Variants in SUPT6H observed in about 807,000 individuals in gnomAD.
The protein encoded by SUPT6H is SPT6 homolog, histone chaperone and transcription elongation factor, also known as transcription elongation factor SPT6.
A neutral mutation model predicts 222.3 loss-of-function variants in SUPT6H; 11 were observed. The observed-to-expected ratio is 0.05, with a 90% CI of 0.03 to 0.08. SUPT6H has a LOEUF of 0.08. Among genes scored for constraint, SUPT6H ranks in the 10% least tolerant of loss-of-function variants. SUPT6H has a pLI of 1.00. For missense variants in SUPT6H, 1,422 were observed against 2,216.0 expected, an observed-to-expected ratio of 0.64 and a Z score of 7.19; for synonymous variants, 762 against 801.2, an observed-to-expected ratio of 0.95 and a Z score of 0.83.
Position 28,683,723 on chromosome 17 carries a change from C to T in SUPT6H, c.2136C>T (p.Ala712=), listed in dbSNP as rs1197362277. The T allele has an allele frequency of 3.1e-6, 5 of 1,614,032 alleles. No homozygotes were observed. The East Asian group carries it at 1.1e-4, about 36-fold the overall frequency. ...AGTGGAACCGGCAGCGCACCATGGC[C>T]ATCGAACGGGCTTTACAGCAGTTCC... ...VQEWNRQRTM[A]IERALQQFLY... The change falls in exon 17 of 37, where the codon GCC becomes GCT. Residue 712 remains alanine (A), a synonymous_variant. Transcript: ENST00000314616.
intron 2 of SUPT6H, among the ~76,000 whole-genome samples, chr17:28,673,810 C>T (rs938864250): frequency 6.6e-6 from 1 of 152,126 alleles, no homozygotes; most frequent in African/African-American, 2.4e-5. Context: ...TGCTTTTAGA[C>T]CTAGCATTGT....
At position 28,683,103 on chromosome 17, in the gene SUPT6H, T is replaced by TGAA. The variant is rs1323991674; in HGVS notation, c.1878+13_1878+15dup. 1 of 1,585,474 alleles carries TGAA rather than the reference T, an allele frequency of 6.3e-7. No homozygotes were observed. The highest frequency in any genetic ancestry group is 8.6e-7 in the Non-Finnish European group (1 of 1,168,340). ...AAGAAAGGTAGAAAGGTGAGCTGGG[T>TGAA]GAAGGGCTTTGATCCAAGATGTGCA... is the stretch of plus-strand genomic sequence containing the variant. On this transcript the variant is annotated intron_variant, in intron 15 of 36. Transcript: ENST00000314616.
In SUPT6H at chr17:28,674,507, A is replaced by T. The variant is rs748265265; in HGVS notation, c.269-30A>T. On this transcript the variant is annotated intron_variant, in intron 3 of 36. Transcript: ENST00000314616. ...GGTTGCAGTGGAAAAGGGCAACCCCATCACCATGGGCAACACTTTGTTTCT... is the reference window on the plus strand; with the variant it reads ...GGTTGCAGTGGAAAAGGGCAACCCCTTCACCATGGGCAACACTTTGTTTCT... The T allele has an allele frequency of 1.9e-6, 3 of 1,614,228 alleles. No homozygotes were observed. In the Admixed American group the frequency reaches 5.0e-5, roughly 27 times the overall value.
Position 28,687,475 on chromosome 17 carries a change from G to A in SUPT6H, c.3006+4G>A, listed in dbSNP as rs2031444870. On this transcript the variant is annotated splice_donor_region_variant and intron_variant, in intron 23 of 36. Transcript: ENST00000314616. ...GAAAGGGACCCACCTCCTGAAGGTA[G>A]GATTGGAGTGAATTCAGAAATTTTA... 4 of 1,611,720 alleles carry A rather than the reference G, an allele frequency of 2.5e-6. No homozygotes were observed. The highest frequency in any genetic ancestry group is 3.4e-6 in the Non-Finnish European group (4 of 1,178,942).
intron 8 of SUPT6H, 57 bp from the exon 9 acceptor site, chr17:28,678,015 TTGTA>T: frequency 6.5e-7 from 1 of 1,537,604 alleles, no homozygotes; most frequent in Non-Finnish European, 9.0e-7. Flanking sequence ...TTAAGCAGTC[TTGTA>T]TGGTAAGACA....
Position 28,684,592 on chromosome 17 carries a change from A to G in SUPT6H, c.2236A>G (p.Ser746Gly). The G allele has an allele frequency of 1.2e-6, 2 of 1,614,084 alleles. No individual in the cohort carries two copies. The highest frequency in any genetic ancestry group is 1.7e-6 in the Non-Finnish European group (2 of 1,180,006). Reference protein sequence around the residue: ...EAKEYVIKACSRKLYNWLRVA... With the variant: ...EAKEYVIKACGRKLYNWLRVA... The stretch of plus-strand genomic sequence containing the variant: ...GTTGTGTCTCTTCCCTCAGGCCTGT[A>G]GTCGAAAGCTCTACAATTGGTTGAG... The change falls in exon 18 of 37, where the codon AGT becomes GGT. Residue 746 changes from serine to glycine, a missense_variant. By Grantham distance (56) the Ser-to-Gly change is moderately conservative (BLOSUM62 0). Around this residue, in one of 13 missense-constraint regions of SUPT6H, gnomAD observed 294 missense variants for 382.1 expected, o/e 0.77. Coordinates refer to ENST00000314616, the MANE Select transcript of SUPT6H (RefSeq NM_003170.5).
chr17:28,697,243 A>G (rs1392226296), intron 30 of SUPT6H, among the ~76,000 whole-genome samples, 161 bp downstream of exon 30: 1 of 152,196 alleles, frequency 6.6e-6, no homozygotes, highest in Non-Finnish European at 1.5e-5. Context: ...TTTGATATCA[A>G]TTTTATTTTG....
Position 28,696,933 on chromosome 17 carries a change from G to A in SUPT6H, c.4060G>A (p.Asp1354Asn). Reference sequence around the variant, plus strand: ...GATGATGGAGACCATGGACCAGGGTGATGTGATTATCCGACCAAGCAGCAA... The same window carrying A: ...GATGATGGAGACCATGGACCAGGGTAATGTGATTATCCGACCAAGCAGCAA... The part of the protein sequence containing the change: ...EKMMETMDQG[D>N]VIIRPSSKGE... Residue 1354 changes from aspartate to asparagine, a missense_variant, in exon 30 of 37, where the codon GAT becomes AAT. Physicochemically the swap from Asp to Asn is conservative, Grantham distance 23 (BLOSUM62 1). Coordinates refer to ENST00000314616, the MANE Select transcript of SUPT6H (RefSeq NM_003170.5). The A allele has an allele frequency of 6.2e-7, 1 of 1,614,064 alleles. No individual in the cohort carries two copies. The highest frequency in any genetic ancestry group is 8.5e-7 in the Non-Finnish European group (1 of 1,180,024).
intron 1 of SUPT6H, among the ~76,000 whole-genome samples, chr17:28,669,377 G>A (rs2030276857): frequency 6.6e-6 from 1 of 152,162 alleles, no homozygotes; most frequent in East Asian, 1.9e-4. Flanking sequence ...TTTTAGTGGA[G>A]GCAGAGTTTC....
rs573261664 is a variant in SUPT6H at position 28,696,562 on chromosome 17, T to A, written c.3971-282T>A. Among the ~76,000 whole-genome samples the A allele has an allele frequency of 2.1e-4, 25 of 120,770 alleles. 1 individual carries two copies. The East Asian group carries it at 5.8e-3, about 28-fold the overall frequency. 79.2% of individuals were successfully genotyped at this position (120,770 alleles called of 152,430 possible). A position where few individuals can be genotyped will look rare whatever the true frequency, so the allele number is the denominator to read the frequency against. ...AGAATTGCGCCACTGCACTACAACG[T>A]GGGTGACAAAATGAGACTGTCTCAA... On this transcript the variant is annotated intron_variant, in intron 29 of 36. Coordinates refer to ENST00000314616, the MANE Select transcript of SUPT6H (RefSeq NM_003170.5).
At chr17:28,689,196 GCACA>G in intron 24 of SUPT6H, 154 bp from the exon 25 acceptor site, 1 of 645,852 alleles carries the variant, frequency 1.5e-6, no homozygotes, top group Non-Finnish European at 2.6e-6. Context: ...TTCCATGTCA[GCACA>G]CATAGATCTA....
intron 1 of SUPT6H, among the ~76,000 whole-genome samples, chr17:28,665,309 C>T (rs1423685230): frequency 5.9e-5 from 9 of 152,338 alleles, no homozygotes. Flanking sequence ...TAAGTAAACT[C>T]ACTTTAGATG....
At position 28,700,105 on chromosome 17, in the gene SUPT6H, C is replaced by T. The variant is rs1567707070; in HGVS notation, c.4562-68C>T. The T allele has an allele frequency of 2.5e-6, 4 of 1,604,186 alleles. No homozygotes were observed. In the South Asian group the frequency reaches 3.3e-5, roughly 13 times the overall value. ...CCTCTACCTACTTCAGTGCCCCTTC[C>T]ACCCCCTGAATTGGGAAACCAAAAA... On this transcript the variant is annotated intron_variant, in intron 33 of 36. Transcript: ENST00000314616.
intron 1 of SUPT6H, among the ~76,000 whole-genome samples, chr17:28,665,517 G>A (rs1395600688): frequency 1.3e-5 from 2 of 152,160 alleles, no homozygotes; most frequent in Non-Finnish European, 2.9e-5. Flanking sequence ...CAACACTTTG[G>A]GAGGCTGAGG....
At chr17:28,673,277 G>A (rs896163700) in intron 1 of SUPT6H, 94 bp from the exon 2 acceptor site, 1 of 668,668 alleles carries the variant, frequency 1.5e-6, no homozygotes, top group Non-Finnish European at 2.7e-6. Flanking sequence ...CAGAGCAGTG[G>A]CAGGTTGCTA....
Position 28,691,079 on chromosome 17 carries a change from T to G in SUPT6H, c.3633+16T>G, listed in dbSNP as rs1166631011. ...ACTAAGCGAGGTGTGTGCTGCAGCATTATCCTGCTCAGTGGATTTCCTTGG... is the reference window on the plus strand; with the variant it reads ...ACTAAGCGAGGTGTGTGCTGCAGCAGTATCCTGCTCAGTGGATTTCCTTGG... On this transcript the variant is annotated intron_variant, in intron 27 of 36. Coordinates refer to ENST00000314616, the MANE Select transcript of SUPT6H (RefSeq NM_003170.5). The G allele has an allele frequency of 1.6e-5, 26 of 1,610,710 alleles. No homozygotes were observed. Among genetic ancestry groups the G allele is most frequent in the Non-Finnish European group, 2.1e-5 (25 of 1,178,566 alleles).
chr17:28,674,414 G>A lies in SUPT6H; in HGVS notation c.241G>A (p.Asp81Asn). The change falls in exon 3 of 37, where the codon GAT becomes AAT. Residue 81 changes from aspartate (D) to asparagine (N), a missense_variant. By Grantham distance (23) the Asp-to-Asn change is conservative (BLOSUM62 1). Coordinates refer to ENST00000314616, the MANE Select transcript of SUPT6H (RefSeq NM_003170.5). ...CAGTGACTCTGGTGATTCAGAAGAT[G>A]ATGTTGGCCACAAGAAGAGAAAACG... ...EGSDSGDSED[D>N]VGHKKRKRTS... The A allele has an allele frequency of 9.3e-6, 15 of 1,613,806 alleles. No homozygotes were observed. The highest frequency in any genetic ancestry group is 1.2e-5 in the Non-Finnish European group (14 of 1,179,792).
intron 13 of SUPT6H, 47 bp from the exon 14 acceptor site, chr17:28,682,680 T>C: frequency 6.3e-7 from 1 of 1,596,388 alleles, no homozygotes; most frequent in Non-Finnish European, 8.5e-7. Context: ...CCAAGAGGTT[T>C]ATCAGCCTAT....
At position 28,690,244 on chromosome 17, in the gene SUPT6H, C is replaced by G; in HGVS notation, c.3490+15C>G. 6.2e-7 allele frequency: 1 copy of G among 1,612,214 alleles called. No individual in the cohort carries two copies. The highest frequency in any genetic ancestry group is 8.5e-7 in the Non-Finnish European group (1 of 1,179,130). On this transcript the variant is annotated intron_variant, in intron 26 of 36. Coordinates refer to ENST00000314616, the MANE Select transcript of SUPT6H (RefSeq NM_003170.5). ...CTTCTACATTGGTAAATTCTGGGGT[C>G]ATTTTTTTATTGGGGGCAGGAGGTG...
Sources: allele counts gnomAD v4.1 joint callset (sites outside exome capture counted in the v4.1 genomes callset), GRCh38; gene constraint gnomAD v4.1.1; regional missense constraint gnomAD v4.1.1; transcripts MANE v1.5; gene names NCBI Gene and HGNC (gene_info 2026-07-23, HGNC 2026-07-21).